The following PCNX2 variants were observed in gnomAD, a reference collection of about 807,000 sequenced individuals.
The protein encoded by PCNX2 is pecanex-like protein 2.
PCNX2 carries 168 observed loss-of-function variants against 223.8 expected under a neutral mutation model. The ratio of observed to expected loss-of-function variants is 0.75; its 90% CI spans 0.66 to 0.85. PCNX2 has a LOEUF of 0.85. Among genes scored for constraint, PCNX2 ranks in the 40% least tolerant of loss-of-function variants. The pLI is 0.00. For synonymous variants in PCNX2, 1,006 were observed against 1,052.6 expected (o/e 0.96, Z 0.86); for missense variants, 2,507 against 2,675.5 (o/e 0.94, Z 1.39).
At chr1:233,140,910 A>G (rs1336905848) in intron 19 of PCNX2, among the ~76,000 whole-genome samples, 1 of 151,976 alleles carries the variant, frequency 6.6e-6, no homozygotes, top group Non-Finnish European at 1.5e-5. Context: ...GTGGGCCCCC[A>G]CCTACCAGCA....
At chr1:233,222,823 C>G (rs1237783131) in intron 10 of PCNX2, among the ~76,000 whole-genome samples, 1 of 152,152 alleles carries the variant, frequency 6.6e-6, no homozygotes, top group Non-Finnish European at 1.5e-5. Context: ...ACAAGTGGAG[C>G]AGGCTTGGGT....
intron 1 of PCNX2, among the ~76,000 whole-genome samples, chr1:233,285,394 G>A (rs943976801): frequency 6.6e-6 from 1 of 152,106 alleles, no homozygotes; most frequent in African/African-American, 2.4e-5. Context: ...TAAACTTGGT[G>A]GCCAGGCTCA....
chr1:233,061,311 C>T (rs1383638447), intron 23 of PCNX2, among the ~76,000 whole-genome samples: 2 of 152,192 alleles, frequency 1.3e-5, no homozygotes, highest in African/African-American at 4.8e-5. Flanking sequence ...CAAGGTACAG[C>T]TAGGTTTGTT....
At chr1:233,151,102 G>T (rs1448528938) in intron 19 of PCNX2, among the ~76,000 whole-genome samples, 1 of 152,152 alleles carries the variant, frequency 6.6e-6, no homozygotes, top group Non-Finnish European at 1.5e-5. Context: ...CCAGAACAGT[G>T]TCTAGGACAT....
chr1:233,319,483 A>G, the PCNX2 span, among the ~76,000 whole-genome samples: 1 of 152,214 alleles, frequency 6.6e-6, no homozygotes, highest in Non-Finnish European at 1.5e-5. Flanking sequence ...TATGGTCGTC[A>G]GGTCTAAGTG....
chr1:233,078,849 A>G (rs373737729), intron 23 of PCNX2, among the ~76,000 whole-genome samples: 11 of 152,368 alleles, frequency 7.2e-5, no homozygotes, highest in African/African-American at 2.6e-4. Context: ...GACTTCCTCA[A>G]AAGCATCAGT....
At chr1:233,234,394 TTAGAATA>T (rs1332986936) in intron 9 of PCNX2, among the ~76,000 whole-genome samples, 4 of 152,124 alleles carry the variant, frequency 2.6e-5, no homozygotes, top group African/African-American at 9.7e-5. Context: ...CCCATATATA[TTAGAATA>T]TAGAACTTTA....
chr1:233,232,516 T>C (rs1340155049), intron 9 of PCNX2, among the ~76,000 whole-genome samples: 1 of 152,216 alleles, frequency 6.6e-6, no homozygotes, highest in Non-Finnish European at 1.5e-5. Context: ...AATGAACTTC[T>C]GAACATGATA....
At chr1:233,265,068 C>T (rs138703283) in intron 1 of PCNX2, among the ~76,000 whole-genome samples, 4 of 148,544 alleles carry the variant, frequency 2.7e-5, no homozygotes, top group Admixed American at 6.7e-5. Flanking sequence ...TGAGACCCCC[C>T]CTCCGATCTC....
At chr1:232,986,884 A>G (rs983838349) in intron 32 of PCNX2, among the ~76,000 whole-genome samples, 12 of 152,338 alleles carry the variant, frequency 7.9e-5, no homozygotes, top group East Asian at 7.7e-4. Flanking sequence ...GAAGCTGCTT[A>G]CTTCAGGCGA....
intron 1 of PCNX2, among the ~76,000 whole-genome samples, chr1:233,265,957 A>C (rs1480166363): frequency 1.3e-5 from 2 of 152,208 alleles, no homozygotes; most frequent in Non-Finnish European, 2.9e-5. Context: ...ACTGAAATTA[A>C]GTGAGGGCAA....
chr1:233,119,899 G>A (rs1181418523), intron 21 of PCNX2, among the ~76,000 whole-genome samples: 2 of 152,056 alleles, frequency 1.3e-5, no homozygotes, highest in African/African-American at 4.8e-5. Context: ...GGGCGCGGTG[G>A]CTAATGCCTG....
At chr1:233,175,857 C>T (rs939977676) in intron 17 of PCNX2, among the ~76,000 whole-genome samples, 12 of 152,144 alleles carry the variant, frequency 7.9e-5, no homozygotes, top group Non-Finnish European at 4.4e-5. Context: ...AGCCTTAATA[C>T]TAGTTTGAAT....
chr1:233,149,655 A>C (rs1677677262), intron 19 of PCNX2, among the ~76,000 whole-genome samples: 1 of 152,192 alleles, frequency 6.6e-6, no homozygotes, highest in Non-Finnish European at 1.5e-5. Context: ...TCTTAGCACT[A>C]ACATGTACAC....
intron 23 of PCNX2, among the ~76,000 whole-genome samples, chr1:233,078,593 T>C (rs184073229): frequency 1.7e-4 from 26 of 152,278 alleles, no homozygotes; most frequent in Admixed American, 9.2e-4. Flanking sequence ...CGACCATCCA[T>C]CTACCTGAAT....
chr1:233,003,287 A>C (rs888195713), intron 28 of PCNX2, among the ~76,000 whole-genome samples: 22 of 152,246 alleles, frequency 1.4e-4, no homozygotes, highest in Admixed American at 1.4e-3. Flanking sequence ...AGAATCTACA[A>C]GGAACTTAAA....
intron 21 of PCNX2, among the ~76,000 whole-genome samples, chr1:233,119,272 A>G (rs1302847794): frequency 1.3e-4 from 19 of 151,686 alleles, no homozygotes. Context: ...ACTTTTAGGA[A>G]AAAAAGGCCA....
rs561451430 is a variant in PCNX2 at position 232,991,434 on chromosome 1, G to T, written c.5792-4894C>A. Among the ~76,000 whole-genome samples the T allele has an allele frequency of 6.6e-6, 1 of 152,222 alleles. No homozygotes were observed. Among genetic ancestry groups the T allele is most frequent in the East Asian group, 1.9e-4 (1 of 5,176 alleles). ...AGCAGACCAGATGGGGGCCTGCGGG[G>T]GAGGGGTGCTCATGGGATGCGCGTG... On this transcript the variant is annotated intron_variant, in intron 32 of 33. Transcript: ENST00000258229. The surrounding 1 kb of genome is among the most constrained non-coding windows in gnomAD (Gnocchi z 4.3).
chr1:233,108,891 C>T lies in PCNX2; in HGVS notation c.3838-13028G>A, dbSNP rs970144724. ...TAATCAGAATGTCCTCCGTGTCCCA[C>T]CCCCTGCCACCAAGGTAACAAGTTG... On this transcript the variant is annotated intron_variant, in intron 21 of 33. Transcript: ENST00000258229. 3.0e-4 allele frequency among the ~76,000 whole-genome samples: 45 copies of T among 152,210 alleles called. 1 individual carries two copies. The highest frequency in any genetic ancestry group is 1.1e-3 in the African/African-American group (45 of 41,550).
Sources: allele counts gnomAD v4.1 joint callset (sites outside exome capture counted in the v4.1 genomes callset), GRCh38; gene constraint gnomAD v4.1.1; non-coding constraint Gnocchi (gnomAD v3.1); transcripts MANE v1.5; gene names NCBI Gene and HGNC (gene_info 2026-07-23, HGNC 2026-07-21).